The following POLQ variants were observed in gnomAD, a reference collection of about 807,000 sequenced individuals.
POLQ encodes the protein DNA polymerase theta.
In POLQ, 233 loss-of-function variants were observed where a neutral mutation model predicts 259.2. The ratio of observed to expected loss-of-function variants is 0.90; its 90% CI spans 0.81 to 1.00. The LOEUF is 1.00. Ranked by LOEUF, POLQ falls within the 50% of genes least tolerant of loss-of-function variation. POLQ has a pLI of 0.00. For synonymous variants in POLQ, 1,025 were observed against 1,048.8 expected, an observed-to-expected ratio of 0.98 and a Z score of 0.44; for missense variants, 2,871 against 3,051.6, an observed-to-expected ratio of 0.94 and a Z score of 1.39.
chr3:121,539,262 A>T (rs1010756299), intron 4 of POLQ, among the ~76,000 whole-genome samples, 171 bp downstream of exon 4: 4 of 152,208 alleles, frequency 2.6e-5, no homozygotes, highest in African/African-American at 7.2e-5. Context: ...GCAGCAGGAC[A>T]CAAAACTTAT....
chr3:121,491,676 T>G (rs1250499346), intron 15 of POLQ, among the ~76,000 whole-genome samples: 1 of 152,150 alleles, frequency 6.6e-6, no homozygotes, highest in Non-Finnish European at 1.5e-5. Context: ...AACAGATAAC[T>G]AGAGAGGAAC....
intron 1 of POLQ, 115 bp downstream of exon 1, chr3:121,545,600 T>C (rs900768008): frequency 6.1e-6 from 6 of 980,440 alleles, no homozygotes; most frequent in Non-Finnish European, 8.8e-6. Context: ...AGAAGGGGAG[T>C]AGAAGCCCAA....
intron 28 of POLQ, 77 bp downstream of exon 28, chr3:121,436,044 TA>T: frequency 1.7e-6 from 2 of 1,195,638 alleles, no homozygotes; most frequent in South Asian, 1.5e-5. Context: ...AGAAATAAAA[TA>T]AAAAATACTT....
Position 121,476,599 on chromosome 3 carries a change from G to A in POLQ, c.6346C>T (p.Gln2116Ter), listed in dbSNP as rs758802188. 6.2e-7 allele frequency: 1 copy of A among 1,613,884 alleles called. No homozygotes were observed. Among genetic ancestry groups the A allele is most frequent in the Non-Finnish European group, 8.5e-7 (1 of 1,179,850 alleles). Reference protein sequence around the residue: ...MQAKLDAIETQAYQLAGHSFS... With the variant: ...MQAKLDAIET ...CTGTGGCCAGCTAGTTGATAGGCCTGGGTCTCAATTGCATCCAGCTTGGCT... is the reference window on the plus strand; with the variant it reads ...CTGTGGCCAGCTAGTTGATAGGCCTAGGTCTCAATTGCATCCAGCTTGGCT... Residue 2116 changes from glutamine (Q) to a stop codon, truncating the protein, a stop_gained, in exon 20 of 30, where the codon CAG (glutamine) becomes TAG (stop). Coordinates refer to ENST00000264233, the MANE Select transcript of POLQ (RefSeq NM_199420.4). LOFTEE classifies it high-confidence loss of function.
In POLQ at chr3:121,520,051, C is replaced by T. The variant is rs1440124187; in HGVS notation, c.1288G>A (p.Gly430Arg). 6.2e-7 allele frequency: 1 copy of T among 1,612,818 alleles called. No individual in the cohort carries two copies. Among genetic ancestry groups the T allele is most frequent in the South Asian group, 1.1e-5 (1 of 91,044 alleles). The change falls in exon 9 of 30, where the codon GGA (glycine) becomes AGA (arginine). Residue 430 changes from glycine to arginine, a missense_variant. Gly to Arg is a moderately radical substitution (Grantham distance 125, BLOSUM62 -2). This residue lies in a region of POLQ where 783 missense variants were observed against 906.2 expected (regional missense o/e 0.86). Transcript: ENST00000264233. ...LTFEERDIIEGAFRQGLIRVL... is the reference protein window; with the variant it reads ...LTFEERDIIERAFRQGLIRVL... ...CGAATGAGACCTTGACGAAAGGCTC[C>T]TTCAATGATATCCCTCTCCTCAAAA...
chr3:121,467,373 CA>C, intron 24 of POLQ, 145 bp downstream of exon 24: 1 of 739,006 alleles, frequency 1.4e-6, no homozygotes, highest in Non-Finnish European at 2.2e-6. Flanking sequence ...CCTGGCATGA[CA>C]AAGGAGAAAG....
Position 121,526,875 on chromosome 3 carries a change from A to ATG in POLQ, c.1108+2768_1108+2769dup, listed in dbSNP as rs112164513. On this transcript the variant is annotated intron_variant, in intron 7 of 29. Transcript: ENST00000264233. ...TGTGTGTGTGCGTGTGTGTCTCTGTATGTGTGTGTGTGTGTGCGCGCGCGC... is the reference window on the plus strand; with the variant it reads ...TGTGTGTGTGCGTGTGTGTCTCTGTATGTGTGTGTGTGTGTGTGCGCGCGCGC... Among the ~76,000 whole-genome samples, 1,473 of 148,802 alleles carry ATG rather than the reference A, an allele frequency of 9.9e-3. 20 individuals are homozygous for ATG. The highest frequency in any genetic ancestry group is 0.022 in the African/African-American group (852 of 39,232).
At chr3:121,522,386 A>ACCG (rs1553821031) in intron 7 of POLQ, among the ~76,000 whole-genome samples, 1 of 140,028 alleles carries the variant, frequency 7.1e-6, no homozygotes, top group East Asian at 2.1e-4. Context: ...ATCTCGGCTC[A>ACCG]CTGCAAGCTC....
intron 12 of POLQ, among the ~76,000 whole-genome samples, chr3:121,501,726 T>G: frequency 8.0e-6 from 1 of 124,306 alleles, no homozygotes. Context: ...ATGCCTGTAA[T>G]CCCAGAACTT....
intron 25 of POLQ, among the ~76,000 whole-genome samples, chr3:121,457,137 G>T (rs2047748162): frequency 6.6e-6 from 1 of 152,136 alleles, no homozygotes; most frequent in Non-Finnish European, 1.5e-5. Flanking sequence ...ATGGGGAAAG[G>T]ATTCCCTATT....
chr3:121,439,910 G>A (rs774633234), intron 27 of POLQ, 82 bp downstream of exon 27: 22 of 1,220,380 alleles, frequency 1.8e-5, no homozygotes, highest in East Asian at 9.4e-5. Flanking sequence ...TCCCTAAAAC[G>A]GATATTTGTA....
intron 5 of POLQ, among the ~76,000 whole-genome samples, chr3:121,536,104 A>C (rs1248556663): frequency 6.6e-6 from 1 of 152,368 alleles, no homozygotes; most frequent in East Asian, 1.9e-4. Flanking sequence ...TATTAATTTC[A>C]GAGAAAACAA....
intron 6 of POLQ, 52 bp from the exon 7 acceptor site, chr3:121,529,844 A>G: frequency 2.1e-6 from 3 of 1,423,376 alleles, no homozygotes; most frequent in Non-Finnish European, 2.9e-6. Flanking sequence ...AAAGATTCTC[A>G]CATCAGTTTA....
chr3:121,520,057 T>C lies in POLQ; in HGVS notation c.1282A>G (p.Ile428Val). Residue 428 changes from isoleucine to valine, a missense_variant, in exon 9 of 30, where the codon ATT (isoleucine) becomes GTT (valine). Ile to Val is a conservative substitution (Grantham distance 29). Transcript: ENST00000264233. ...AGACCTTGACGAAAGGCTCCTTCAATGATATCCCTCTCCTCAAAAGTAAGA... is the reference window on the plus strand; with the variant it reads ...AGACCTTGACGAAAGGCTCCTTCAACGATATCCCTCTCCTCAAAAGTAAGA... ...AGLTFEERDIIEGAFRQGLIR... is the reference protein window; with the variant it reads ...AGLTFEERDIVEGAFRQGLIR... 6.2e-7 allele frequency: 1 copy of C among 1,612,372 alleles called. No homozygotes were observed. The highest frequency in any genetic ancestry group is 8.5e-7 in the Non-Finnish European group (1 of 1,178,514).
rs777670518 is a variant in POLQ at position 121,436,126 on chromosome 3, T to C, written c.7539A>G (p.Gln2513=). The C allele has an allele frequency of 6.2e-7, 1 of 1,612,922 alleles. No homozygotes were observed. Among genetic ancestry groups the C allele is most frequent in the Middle Eastern group, 1.7e-4 (1 of 6,060 alleles). The part of the protein sequence containing the change: ...GHREGMLQSD[Q]TGLSRKRKLQ... ...AGGCCTCATCTATGAACAAACCTGTTTGGTCACTTTGGAGCATACCCTCTC... is the reference window on the plus strand; with the variant it reads ...AGGCCTCATCTATGAACAAACCTGTCTGGTCACTTTGGAGCATACCCTCTC... Residue 2513 remains glutamine (Q), a synonymous_variant, in exon 28 of 30, where the codon CAA becomes CAG. Transcript: ENST00000264233.
intron 7 of POLQ, among the ~76,000 whole-genome samples, chr3:121,525,075 C>T (rs2108814643): frequency 6.6e-6 from 1 of 152,254 alleles, no homozygotes; most frequent in East Asian, 1.9e-4. Context: ...TAGGTGGTGT[C>T]TCACAACTGT....
intron 10 of POLQ, among the ~76,000 whole-genome samples, chr3:121,510,500 C>G (rs1339133696): frequency 6.6e-6 from 1 of 151,796 alleles, no homozygotes; most frequent in African/African-American, 2.4e-5. Context: ...TGGCATGAAC[C>G]CAAGAGGCGA....
chr3:121,449,369 T>G lies in POLQ; in HGVS notation c.7210A>C (p.Ile2404Leu). The G allele has an allele frequency of 6.2e-7, 1 of 1,608,600 alleles. No individual in the cohort carries two copies. The highest frequency in any genetic ancestry group is 8.5e-7 in the Non-Finnish European group (1 of 1,175,034). Residue 2404 changes from isoleucine to leucine, a missense_variant, in exon 26 of 30, where the codon ATT becomes CTT. Physicochemically the swap from Ile to Leu is conservative, Grantham distance 5. Coordinates refer to ENST00000264233, the MANE Select transcript of POLQ (RefSeq NM_199420.4). ...GAKSLGEQMG[I>L]KENDAACYID... ...TAGCATGCAGCATCATTTTCTTTAATGCCCATCTGCTCTCCCAAAGATTTA... is the reference window on the plus strand; with the variant it reads ...TAGCATGCAGCATCATTTTCTTTAAGGCCCATCTGCTCTCCCAAAGATTTA...
intron 14 of POLQ, among the ~76,000 whole-genome samples, chr3:121,496,181 C>CTTTT (rs71133540): frequency 2.1e-5 from 3 of 142,522 alleles, no homozygotes; most frequent in South Asian, 2.3e-4. Flanking sequence ...TAATCAGTAC[C>CTTTT]TTTTTTTTTT....
Sources: gnomAD v4.1 joint callset for allele counts (sites outside exome capture counted in the v4.1 genomes callset) on GRCh38, gnomAD v4.1.1 for gene constraint, gnomAD v4.1.1 regional missense constraint, MANE v1.5 for transcripts, NCBI Gene and HGNC (gene_info 2026-07-23, HGNC 2026-07-21) for gene names.